The following RETREG3 variants were observed in gnomAD, a reference collection of about 807,000 sequenced individuals.
RETREG3 encodes reticulophagy regulator 3.
A neutral mutation model predicts 50.2 loss-of-function variants in RETREG3; 23 were observed. That is an observed-to-expected ratio of 0.46 (90% CI 0.33 to 0.65). The LOEUF (loss-of-function observed/expected upper bound fraction) is 0.65. Ranked by LOEUF, RETREG3 falls within the 30% of genes least tolerant of loss-of-function variation. The pLI is 0.02. For missense variants in RETREG3, 546 were observed against 598.0 expected, an observed-to-expected ratio of 0.91 and a Z score of 0.91; for synonymous variants, 240 against 234.4, an observed-to-expected ratio of 1.02 and a Z score of -0.22.
chr17:42,595,994 C>G (rs897762311), intron 1 of RETREG3, among the ~76,000 whole-genome samples: 2 of 151,964 alleles, frequency 1.3e-5, no homozygotes, highest in Admixed American at 6.6e-5. Context: ...CTGAATAATT[C>G]ATGTGTGAAT....
chr17:42,598,352 C>T (rs1017975236), intron 1 of RETREG3, among the ~76,000 whole-genome samples: 2 of 152,058 alleles, frequency 1.3e-5, no homozygotes, highest in Non-Finnish European at 2.9e-5. Flanking sequence ...GATTTATGGA[C>T]AAGGATTAAT....
intron 4 of RETREG3, among the ~76,000 whole-genome samples, 177 bp downstream of exon 4, chr17:42,586,588 C>T (rs1289744502): frequency 6.6e-6 from 1 of 152,190 alleles, no homozygotes; most frequent in African/African-American, 2.4e-5. Flanking sequence ...AGTCACCAAG[C>T]TCCTGTGTTA....
intron 1 of RETREG3, among the ~76,000 whole-genome samples, chr17:42,597,574 T>C (rs371548896): frequency 3.1e-5 from 1 of 32,606 alleles, no homozygotes; most frequent in Non-Finnish European, 6.0e-5. Context: ...ATATATATAT[T>C]TTGTGTGTAT....
chr17:42,585,042 A>C, intron 6 of RETREG3, 83 bp downstream of exon 6: 1 of 1,540,594 alleles, frequency 6.5e-7, no homozygotes, highest in Non-Finnish European at 8.8e-7. Flanking sequence ...ACTTTTGAGG[A>C]CCCACCCAGT....
intron 1 of RETREG3, among the ~76,000 whole-genome samples, chr17:42,607,583 T>C (rs1597745569): frequency 7.0e-6 from 1 of 142,414 alleles, no homozygotes; most frequent in Non-Finnish European, 1.5e-5. Flanking sequence ...GGCAGGCAGA[T>C]CACCTGACCT....
In RETREG3 at chr17:42,587,874, TA is replaced by T; in HGVS notation, c.347-11del. The T allele has an allele frequency of 6.2e-7, 1 of 1,614,082 alleles. No individual in the cohort carries two copies. The highest frequency in any genetic ancestry group is 8.5e-7 in the Non-Finnish European group (1 of 1,179,986). ...GCGTCGGGTCTTGGCACTACAATAT[TA>T]AAACAAACACCAGCATTAGTTGGTA... On this transcript the variant is annotated splice_polypyrimidine_tract_variant and intron_variant, in intron 2 of 8. Transcript: ENST00000309428.
At chr17:42,594,148 CACT>C (rs1316414076) in intron 1 of RETREG3, among the ~76,000 whole-genome samples, 11 of 152,222 alleles carry the variant, frequency 7.2e-5, no homozygotes, top group African/African-American at 2.4e-4. Context: ...GAGATCGCAC[CACT>C]GCACCTCCAG....
chr17:42,583,025 C>T (rs1350822466), intron 7 of RETREG3, among the ~76,000 whole-genome samples: 2 of 151,996 alleles, frequency 1.3e-5, no homozygotes, highest in South Asian at 4.2e-4. Context: ...ATCTTGACCC[C>T]TTTTAGGCTG....
At chr17:42,595,666 CTTT>C (rs770492649) in intron 1 of RETREG3, among the ~76,000 whole-genome samples, 305 of 134,436 alleles carry the variant, frequency 2.3e-3, no homozygotes, top group Non-Finnish European at 4.1e-3. Flanking sequence ...TTCTTTCTTT[CTTT>C]TTTTTTTTTT....
chr17:42,582,893 A>C (rs769304463), intron 7 of RETREG3, 87 bp from the exon 8 acceptor site: 36 of 1,534,526 alleles, frequency 2.3e-5, no homozygotes, highest in Non-Finnish European at 3.0e-5. Flanking sequence ...AGCTAGCATT[A>C]GTTATCCGAA....
chr17:42,599,907 C>T (rs2143416959), intron 1 of RETREG3, among the ~76,000 whole-genome samples: 1 of 151,550 alleles, frequency 6.6e-6, no homozygotes, highest in Admixed American at 6.6e-5. Flanking sequence ...GGTGGGATGA[C>T]AGCTTGAGTC....
At chr17:42,604,694 C>CAAAAA (rs1007735904) in intron 1 of RETREG3, among the ~76,000 whole-genome samples, 7 of 44,468 alleles carry the variant, frequency 1.6e-4, no homozygotes, top group African/African-American at 2.5e-4. Context: ...GATTCCCCAG[C>CAAAAA]AAAAAAAAAA....
intron 5 of RETREG3, among the ~76,000 whole-genome samples, chr17:42,585,504 G>A (rs985693361): frequency 3.3e-5 from 5 of 152,208 alleles, no homozygotes; most frequent in Admixed American, 6.5e-5. Context: ...GCTGCTGACA[G>A]GCCAAGGGCA....
At chr17:42,593,466 G>A (rs1398233141) in intron 1 of RETREG3, among the ~76,000 whole-genome samples, 1 of 151,788 alleles carries the variant, frequency 6.6e-6, no homozygotes, top group Non-Finnish European at 1.5e-5. Flanking sequence ...TGGTTAATAT[G>A]GTGAAACCCT....
chr17:42,603,290 T>C (rs1266275208), intron 1 of RETREG3, among the ~76,000 whole-genome samples: 1 of 152,182 alleles, frequency 6.6e-6, no homozygotes, highest in East Asian at 1.9e-4. Flanking sequence ...AAGACATGAT[T>C]TCTAGGTTCC....
intron 1 of RETREG3, among the ~76,000 whole-genome samples, chr17:42,599,749 T>C (rs774081349): frequency 1.9e-4 from 29 of 152,022 alleles, no homozygotes; most frequent in Non-Finnish European, 2.5e-4. Context: ...TCCCAGCACT[T>C]TGGGAAGCCA....
chr17:42,609,021 G>GT, intron 1 of RETREG3, 65 bp downstream of exon 1: 1 of 1,495,616 alleles, frequency 6.7e-7, no homozygotes, highest in East Asian at 2.3e-5. Flanking sequence ...CAGGCGAGAA[G>GT]TAGAGCCCTA....
rs1458685405 is a variant in RETREG3, at chr17:42,585,112, C to T, written c.727+13G>A. The stretch of plus-strand genomic sequence containing the variant: ...AATTGCGTAAGTGGAAAGAATGACA[C>T]CATGACACTTACATTGTCTCTCTCT... On this transcript the variant is annotated intron_variant, in intron 6 of 8. Transcript: ENST00000309428. 24 of 1,612,024 alleles carry T rather than the reference C, an allele frequency of 1.5e-5. No homozygotes were observed. Among genetic ancestry groups the T allele is most frequent in the Non-Finnish European group, 1.9e-5 (23 of 1,179,804 alleles).
rs981211613 is a variant in RETREG3, at chr17:42,581,180, T to C, written c.*633A>G. 1 of 151,930 alleles carries C rather than the reference T, an allele frequency of 6.6e-6. No homozygotes were observed. Among genetic ancestry groups the C allele is most frequent in the Non-Finnish European group, 1.5e-5 (1 of 68,082 alleles). The allele number at this position is 151,930 out of a possible 1,614,324, so 9.4% of individuals were successfully genotyped here. ...GAGTTTGAGACCAGCCTGGCCAACA[T>C]GGTGAAACCCCATTTCTACTAAAAA... On this transcript the variant is annotated 3_prime_UTR_variant, in exon 9 of 9. Coordinates refer to ENST00000309428, the MANE Select transcript of RETREG3 (RefSeq NM_178126.4).
Sources: gnomAD v4.1 joint callset for allele counts (sites outside exome capture counted in the v4.1 genomes callset) on GRCh38, gnomAD v4.1.1 for gene constraint, MANE v1.5 for transcripts, NCBI Gene and HGNC (gene_info 2026-07-23, HGNC 2026-07-21) for gene names.